Variants in TEX11 observed in about 807,000 individuals in gnomAD.
The protein encoded by TEX11 is testis-expressed protein 11.
In TEX11, 7 loss-of-function variants were observed where a neutral mutation model predicts 84.4. That is an observed-to-expected ratio of 0.08 (90% CI 0.05 to 0.16). The LOEUF (loss-of-function observed/expected upper bound fraction) is 0.16, where lower values mean the gene tolerates loss of function less well. Ranked by LOEUF, TEX11 falls within the 10% of genes least tolerant of loss-of-function variation. The pLI is 1.00. For missense variants in TEX11, 551 were observed against 660.5 expected (o/e 0.83, Z 1.82); for synonymous variants, 264 against 222.8 (o/e 1.18, Z -1.64).
intron 13 of TEX11, among the ~76,000 whole-genome samples, chrX:70,715,411 G>A (rs780855416): frequency 1.4e-3 from 154 of 111,776 alleles, no homozygotes; most frequent in Non-Finnish European, 2.1e-3. Context: ...CATTCTCCCC[G>A]TCACTTTCAG....
At chrX:70,858,617 C>T (rs2091550788) in intron 5 of TEX11, among the ~76,000 whole-genome samples, 1 of 110,923 alleles carries the variant, frequency 9.0e-6, no homozygotes, top group South Asian at 3.8e-4. Context: ...ACATATACAC[C>T]ACCAAGCATC....
Position 70,623,952 on chromosome X carries a change from A to G in TEX11, c.1749T>C (p.Asp583=), listed in dbSNP as rs2089423156. 1.7e-6 allele frequency: 2 copies of G among 1,202,407 alleles called. No individual in the cohort carries two copies. Among genetic ancestry groups the G allele is most frequent in the African/African-American group, 3.5e-5 (2 of 57,598 alleles). Residue 583 remains aspartate, a splice_region_variant and synonymous_variant, in exon 20 of 30, where the codon GAT becomes GAC. Transcript: ENST00000374333. ...TCATTTTTGTTGAAATAACTCACTT[A>G]TCTTCAGATTCCGGCATTTCAGCAA... ...PKIAEMPESE[D]KKKEMDRLLT...
intron 13 of TEX11, among the ~76,000 whole-genome samples, chrX:70,704,972 A>G (rs1327386006): frequency 2.7e-5 from 3 of 111,865 alleles, no homozygotes; most frequent in Non-Finnish European, 3.8e-5. Flanking sequence ...TAATTTTAGT[A>G]TAAGGTGTAA....
chrX:70,893,484 G>A (rs1030565742), intron 2 of TEX11, among the ~76,000 whole-genome samples: 1 of 111,783 alleles, frequency 8.9e-6, no homozygotes, highest in African/African-American at 3.3e-5. Flanking sequence ...GGGTAATAAC[G>A]AAATTAAGGC....
intron 9 of TEX11, among the ~76,000 whole-genome samples, chrX:70,788,971 TATAGAGAGAGAGAGAGAGAGAGAG>T (rs2091100327): frequency 5.3e-5 from 1 of 18,866 alleles, no homozygotes; most frequent in Non-Finnish European, 9.0e-5. Flanking sequence ...TATATATATA[TATAGAGAGAGAGAGAGAGAGAGAG>T]AGAGAGAGAG....
chrX:70,750,933 A>AAAAAATATAT (rs1390175136), intron 9 of TEX11, among the ~76,000 whole-genome samples: 16 of 28,190 alleles, frequency 5.7e-4, no homozygotes, highest in East Asian at 1.8e-3. Flanking sequence ...AAAAAAAAAA[A>AAAAAATATAT]ATATATATAT....
intron 13 of TEX11, among the ~76,000 whole-genome samples, chrX:70,702,224 T>A (rs185160529): frequency 9.0e-6 from 1 of 111,431 alleles, no homozygotes; most frequent in Non-Finnish European, 1.9e-5. Flanking sequence ...AACTTCACTG[T>A]TGACTTATTT....
At chrX:70,570,052 G>T (rs1282239100) in intron 25 of TEX11, among the ~76,000 whole-genome samples, 1 of 112,025 alleles carries the variant, frequency 8.9e-6, no homozygotes, top group Non-Finnish European at 1.9e-5. Flanking sequence ...GCTGTGGTGG[G>T]CTCCACCCAG....
At chrX:70,705,082 G>A (rs1331016945) in intron 13 of TEX11, among the ~76,000 whole-genome samples, 1 of 111,615 alleles carries the variant, frequency 9.0e-6, no homozygotes, top group Non-Finnish European at 1.9e-5. Context: ...TTTTTGTCAG[G>A]TTTGTCAAAG....
intron 17 of TEX11, among the ~76,000 whole-genome samples, chrX:70,640,697 T>G: frequency 9.2e-6 from 1 of 108,645 alleles, no homozygotes; most frequent in South Asian, 4.2e-4. Context: ...AGAAATAAAA[T>G]ACTTTACAGA....
intron 9 of TEX11, among the ~76,000 whole-genome samples, chrX:70,750,020 T>C (rs1174423979): frequency 2.7e-5 from 3 of 110,687 alleles, no homozygotes; most frequent in Non-Finnish European, 5.7e-5. Flanking sequence ...CGCAACCTAC[T>C]CATATGACAA....
At position 70,714,974 on chromosome X, in the gene TEX11, T is replaced by G. The variant is rs1459272765; in HGVS notation, c.1004+7644A>C. On this transcript the variant is annotated intron_variant, in intron 13 of 29. Transcript: ENST00000374333. ...TTTAGTGCTTCCTTCAGGAGCTCTT[T>G]TAGGGCAGGCCTGGTGGTGACAAAA... 3.6e-5 allele frequency among the ~76,000 whole-genome samples: 4 copies of G among 111,585 alleles called. No individual in the cohort carries two copies. In the South Asian group the frequency reaches 1.1e-3, roughly 32 times the overall value.
intron 4 of TEX11, among the ~76,000 whole-genome samples, chrX:70,861,630 C>A (rs1339802309): frequency 1.8e-5 from 2 of 109,717 alleles, no homozygotes; most frequent in Non-Finnish European, 3.8e-5. Context: ...CCACGCCCAG[C>A]TAATTTTTGT....
chrX:70,780,609 C>T (rs776242178), intron 9 of TEX11, among the ~76,000 whole-genome samples: 2 of 112,640 alleles, frequency 1.8e-5, no homozygotes, highest in East Asian at 5.7e-4. Context: ...TGCCCAAATA[C>T]TGTGCCTTTC....
intron 16 of TEX11, among the ~76,000 whole-genome samples, chrX:70,655,614 A>AT (rs2089857446): frequency 9.0e-6 from 1 of 111,117 alleles, no homozygotes; most frequent in African/African-American, 3.3e-5. Flanking sequence ...CAGAAAACAC[A>AT]TTTTTTTCAA....
At chrX:70,882,554 G>A (rs1602208436) in intron 2 of TEX11, among the ~76,000 whole-genome samples, 1 of 111,446 alleles carries the variant, frequency 9.0e-6, no homozygotes. Context: ...GCTGAGGCAG[G>A]TAGATTGCTT....
chrX:70,540,660 T>C (rs1168411524), intron 28 of TEX11, among the ~76,000 whole-genome samples: 1 of 111,250 alleles, frequency 9.0e-6, no homozygotes, highest in East Asian at 2.8e-4. Context: ...CTGAGTATTT[T>C]CTCATGTAAA....
chrX:70,570,245 T>C (rs1603083642), intron 25 of TEX11, among the ~76,000 whole-genome samples: 3 of 112,430 alleles, frequency 2.7e-5, no homozygotes, highest in African/African-American at 9.7e-5. Context: ...GCGCCATTTT[T>C]TAAGCCCGTC....
the TEX11 span, among the ~76,000 whole-genome samples, chrX:70,512,255 G>C: frequency 1.9e-5 from 2 of 107,921 alleles, 1 homozygote; most frequent in Non-Finnish European, 3.8e-5. Context: ...ATTATTTAGA[G>C]ATGGAGTGGC....
Sources: gnomAD v4.1 joint callset for allele counts (sites outside exome capture counted in the v4.1 genomes callset) on GRCh38, gnomAD v4.1.1 for gene constraint, MANE v1.5 for transcripts, NCBI Gene and HGNC (gene_info 2026-07-23, HGNC 2026-07-21) for gene names.